The following PRPH2 variants were observed in gnomAD, a reference collection of about 807,000 sequenced individuals.
PRPH2 encodes the protein peripherin-2.
In PRPH2, 17 loss-of-function variants were observed where a neutral mutation model predicts 31.3. The observed-to-expected ratio is 0.54, with a 90% CI of 0.37 to 0.81. PRPH2 has a LOEUF of 0.81. PRPH2 is among the 40% of genes least tolerant of loss of function. The pLI is 0.00. For missense variants in PRPH2, 430 were observed against 439.7 expected (o/e 0.98, Z 0.20); for synonymous variants, 165 against 184.4 (o/e 0.89, Z 0.85).
At chr6:42,719,319 G>A (rs1056858528) in intron 1 of PRPH2, among the ~76,000 whole-genome samples, 3 of 151,822 alleles carry the variant, frequency 2.0e-5, no homozygotes, top group East Asian at 1.9e-4. Context: ...TGAGATTACA[G>A]GCATGCCACC....
intron 1 of PRPH2, among the ~76,000 whole-genome samples, chr6:42,708,386 G>C (rs1446039663): frequency 6.6e-6 from 1 of 152,252 alleles, no homozygotes; most frequent in Non-Finnish European, 1.5e-5. Flanking sequence ...TTGCTCAGCT[G>C]TCCTTCTGCA....
At chr6:42,698,832 C>T (rs1237555770) in intron 2 of PRPH2, among the ~76,000 whole-genome samples, 1 of 152,104 alleles carries the variant, frequency 6.6e-6, no homozygotes, top group Non-Finnish European at 1.5e-5. Flanking sequence ...TGCTCCTCTC[C>T]ACGTTCATCT....
Position 42,722,118 on chromosome 6 carries a change from C to G in PRPH2, c.217G>C (p.Val73Leu). The change falls in exon 1 of 3, where the codon GTC (valine) becomes CTC (leucine). Residue 73 changes from valine to leucine, a missense_variant. Physicochemically the swap from Val to Leu is conservative, Grantham distance 32. Transcript: ENST00000230381. This position sits in a 1 kb window ranked among gnomAD's most constrained non-coding sequence, Gnocchi z 4.4. ...ATCTTCCCAGCCAGCGAGTTGAAGACACAGGATAGCACCCCCATCCCTATC... is the reference window on the plus strand; with the variant it reads ...ATCTTCCCAGCCAGCGAGTTGAAGAGACAGGATAGCACCCCCATCCCTATC... ...SLIGMGVLSC[V>L]FNSLAGKICY... The G allele has an allele frequency of 6.2e-7, 1 of 1,614,186 alleles. No individual in the cohort carries two copies. The highest frequency in any genetic ancestry group is 8.5e-7 in the Non-Finnish European group (1 of 1,180,026).
rs74579922 is a variant in PRPH2, at chr6:42,702,553, A to T, written c.828+1812T>A. Among the ~76,000 whole-genome samples the T allele has an allele frequency of 5.3e-3, 796 of 151,534 alleles. 4 individuals are homozygous for T. The highest frequency in any genetic ancestry group is 0.018 in the African/African-American group (742 of 41,282). On this transcript the variant is annotated intron_variant, in intron 2 of 2. Transcript: ENST00000230381. ...ATTCAACACCTGAGCTGTGCCTGGCATATGGGTACATGTTTAAGAAATATC... is the reference window on the plus strand; with the variant it reads ...ATTCAACACCTGAGCTGTGCCTGGCTTATGGGTACATGTTTAAGAAATATC...
chr6:42,713,470 A>G (rs114380928), intron 1 of PRPH2, among the ~76,000 whole-genome samples: 1 of 152,138 alleles, frequency 6.6e-6, no homozygotes, highest in African/African-American at 2.4e-5. Flanking sequence ...AGAGCCCGGA[A>G]TGGTGTTTCT....
intron 2 of PRPH2, 143 bp from the exon 3 acceptor site, chr6:42,698,650 C>A: frequency 8.8e-7 from 1 of 1,141,328 alleles, no homozygotes. Context: ...TGACAGCCTG[C>A]CCCACGCTGC....
rs121918567 is a variant in PRPH2 at position 42,704,609 on chromosome 6, C to A, written c.584G>T (p.Arg195Leu). The A allele has an allele frequency of 6.2e-7, 1 of 1,614,148 alleles. No individual in the cohort carries two copies. The highest frequency in any genetic ancestry group is 8.5e-7 in the Non-Finnish European group (1 of 1,180,022). Residue 195 changes from arginine (R) to leucine (L), a missense_variant and splice_region_variant, in exon 2 of 3, where the codon CGA (arginine) becomes CTA (leucine). Arg to Leu is a moderately radical substitution (Grantham distance 102). Coordinates refer to ENST00000230381, the MANE Select transcript of PRPH2 (RefSeq NM_000322.5). ...CCGCCCATCCACGTTGCTCTTGATT[C>A]GACTTAAAGGGAAACAGACAGCTGG... ...LDFSSKEVKD[R>L]IKSNVDGRYL...
chr6:42,717,659 T>C (rs967094332), intron 1 of PRPH2, among the ~76,000 whole-genome samples: 1 of 152,136 alleles, frequency 6.6e-6, no homozygotes, highest in African/African-American at 2.4e-5. Context: ...CATGAAAACA[T>C]GAACAGAAAA....
intron 2 of PRPH2, among the ~76,000 whole-genome samples, chr6:42,699,209 T>C (rs938116265): frequency 6.6e-6 from 1 of 152,048 alleles, no homozygotes; most frequent in African/African-American, 2.4e-5. Context: ...CCTGCCACCA[T>C]ACCTGACTAA....
Position 42,722,279 on chromosome 6 carries a change from C to G in PRPH2, c.56G>C (p.Gly19Ala). Residue 19 changes from glycine (G) to alanine (A), a missense_variant, in exon 1 of 3, where the codon GGG (glycine) becomes GCG (alanine). Coordinates refer to ENST00000230381, the MANE Select transcript of PRPH2 (RefSeq NM_000322.5). This position sits in a 1 kb window ranked among gnomAD's most constrained non-coding sequence, Gnocchi z 4.4. ...DQKKRVKLAQ[G>A]LWLMNWFSVL... ...GGAGAACCAGTTCATGAGCCAGAGC[C>G]CTTGGGCCAACTTGACCCGCTTCTT... is the stretch of plus-strand genomic sequence containing the variant. 1 of 1,614,138 alleles carries G rather than the reference C, an allele frequency of 6.2e-7. No individual in the cohort carries two copies. The highest frequency in any genetic ancestry group is 8.5e-7 in the Non-Finnish European group (1 of 1,180,040).
chr6:42,713,655 T>A (rs982133032), intron 1 of PRPH2, among the ~76,000 whole-genome samples: 7 of 151,414 alleles, frequency 4.6e-5, no homozygotes, highest in African/African-American at 1.7e-4. Flanking sequence ...GAGCGGTGGC[T>A]CACACCTGTA....
In PRPH2 at chr6:42,713,992, G is replaced by A. The variant is rs796891583; in HGVS notation, c.581+7762C>T. ...AAGAGGGAGAAAAGCAAGACTTCCC[G>A]TACCCCAAGCAGCCTGGATAATTTG... On this transcript the variant is annotated intron_variant, in intron 1 of 2. Coordinates refer to ENST00000230381, the MANE Select transcript of PRPH2 (RefSeq NM_000322.5). Among the ~76,000 whole-genome samples the A allele has an allele frequency of 1.6e-4, 24 of 148,186 alleles. No homozygotes were observed. In the South Asian group the frequency reaches 1.7e-3, roughly 11 times the overall value.
intron 2 of PRPH2, among the ~76,000 whole-genome samples, chr6:42,699,261 TC>T (rs1800007585): frequency 6.6e-6 from 1 of 151,970 alleles, no homozygotes. Flanking sequence ...ATATGTGGTT[TC>T]CCCATGTTGC....
chr6:42,699,569 T>C (rs1800012697), intron 2 of PRPH2, among the ~76,000 whole-genome samples: 1 of 152,158 alleles, frequency 6.6e-6, no homozygotes, highest in Non-Finnish European at 1.5e-5. Context: ...CCCGTGTGGA[T>C]ACTGTGCCAC....
Position 42,698,285 on chromosome 6 carries a change from C to T in PRPH2, c.*10G>A. The T allele has an allele frequency of 6.2e-7, 1 of 1,613,494 alleles. No individual in the cohort carries two copies. Among genetic ancestry groups the T allele is most frequent in the Non-Finnish European group, 8.5e-7 (1 of 1,179,868 alleles). ...TCTCAGTGTTCGGGAGGGGAGGGGC[C>T]CCAGGGCCCTCAGCCAGCCTCTGGG... On this transcript the variant is annotated 3_prime_UTR_variant, in exon 3 of 3. Coordinates refer to ENST00000230381, the MANE Select transcript of PRPH2 (RefSeq NM_000322.5).
At position 42,722,261 on chromosome 6, in the gene PRPH2, C is replaced by G. The variant is rs535111150; in HGVS notation, c.74G>C (p.Trp25Ser). 1 of 1,614,140 alleles carries G rather than the reference C, an allele frequency of 6.2e-7. No homozygotes were observed. Among genetic ancestry groups the G allele is most frequent in the East Asian group, 2.2e-5 (1 of 44,878 alleles). The change falls in exon 1 of 3, where the codon TGG becomes TCG. Residue 25 changes from tryptophan (W) to serine (S), a missense_variant. Physicochemically the swap from Trp to Ser is radical, Grantham distance 177. Coordinates refer to ENST00000230381, the MANE Select transcript of PRPH2 (RefSeq NM_000322.5). This position sits in a 1 kb window ranked among gnomAD's most constrained non-coding sequence, Gnocchi z 4.4. ...GATGATGCCAGCCAACACGGAGAAC[C>G]AGTTCATGAGCCAGAGCCCTTGGGC... ...KLAQGLWLMN[W>S]FSVLAGIIIF...
intron 1 of PRPH2, among the ~76,000 whole-genome samples, chr6:42,714,308 A>G (rs1582773558): frequency 1.3e-5 from 2 of 152,222 alleles, no homozygotes; most frequent in East Asian, 1.9e-4. Context: ...CTATAGATAC[A>G]GAAAGTAAAC....
chr6:42,722,415 G>C lies in PRPH2; in HGVS notation c.-81C>G, dbSNP rs1283492564. ...TAACGAGCCCAGAGGCGGAGACTTAGGGCCTTGGGAAAAGTGCAGATGGCC... is the reference window on the plus strand; with the variant it reads ...TAACGAGCCCAGAGGCGGAGACTTACGGCCTTGGGAAAAGTGCAGATGGCC... On this transcript the variant is annotated 5_prime_UTR_variant, in exon 1 of 3. Transcript: ENST00000230381. The surrounding 1 kb of genome is among the most constrained non-coding windows in gnomAD (Gnocchi z 4.4). The C allele has an allele frequency of 1.3e-6, 2 of 1,581,296 alleles. No individual in the cohort carries two copies. Among genetic ancestry groups the C allele is most frequent in the Non-Finnish European group, 8.6e-7 (1 of 1,169,534 alleles).
At chr6:42,720,426 A>C (rs545144500) in intron 1 of PRPH2, among the ~76,000 whole-genome samples, 16 of 152,054 alleles carry the variant, frequency 1.1e-4, no homozygotes, top group African/African-American at 3.6e-4. Flanking sequence ...GATTTATGTA[A>C]ATCGTGGCAT....
Sources: allele counts gnomAD v4.1 joint callset (sites outside exome capture counted in the v4.1 genomes callset), GRCh38; gene constraint gnomAD v4.1.1; non-coding constraint Gnocchi (gnomAD v3.1); transcripts MANE v1.5; gene names NCBI Gene and HGNC (gene_info 2026-07-23, HGNC 2026-07-21).